PPP2R5C: variants seen among roughly 807,000 people sequenced by gnomAD.
PPP2R5C encodes the protein protein phosphatase 2 regulatory subunit B'gamma.
A neutral mutation model predicts 68.9 loss-of-function variants in PPP2R5C; 7 were observed. That is an observed-to-expected ratio of 0.10 (90% CI 0.06 to 0.19). The LOEUF (loss-of-function observed/expected upper bound fraction) is 0.19, where lower values mean the gene tolerates loss of function less well. Among genes scored for constraint, PPP2R5C ranks in the 10% least tolerant of loss-of-function variants. The pLI is 1.00. For missense variants in PPP2R5C, 348 were observed against 641.3 expected, an observed-to-expected ratio of 0.54 and a Z score of 4.94; for synonymous variants, 210 against 222.2, an observed-to-expected ratio of 0.95 and a Z score of 0.49.
intron 1 of PPP2R5C, chr14:101,821,167 A>T (rs1227868859): frequency 6.6e-6 from 1 of 152,134 alleles, no homozygotes; most frequent in East Asian, 1.9e-4. Context: ...GGACCATGAG[A>T]GCTGAGAGCA....
intron 1 of PPP2R5C, chr14:101,824,290 AG>A (rs1342575389): frequency 2.3e-6 from 2 of 884,266 alleles, no homozygotes; most frequent in Admixed American, 7.5e-5. Flanking sequence ...GGGGTAGGAG[AG>A]AGAGGTATTC....
At chr14:101,848,678 C>T (rs1764358370) in intron 1 of PPP2R5C, among the ~76,000 whole-genome samples, 1 of 152,166 alleles carries the variant, frequency 6.6e-6, no homozygotes, top group Admixed American at 6.5e-5. Context: ...GGCTGACAAT[C>T]GTGCAGCCGA....
At chr14:101,784,846 A>G (rs978227797) in intron 2 of PPP2R5C, among the ~76,000 whole-genome samples, 6 of 152,212 alleles carry the variant, frequency 3.9e-5, no homozygotes, top group Non-Finnish European at 8.8e-5. Flanking sequence ...TAGTGGTCGC[A>G]GCAAACAGCT....
At chr14:101,892,973 C>A in intron 6 of PPP2R5C, 27 bp from the exon 9 acceptor site, 1 of 1,478,078 alleles carries the variant, frequency 6.8e-7, no homozygotes, top group Non-Finnish European at 9.4e-7. Context: ...CGTAAATGTT[C>A]AAACCTAATA....
chr14:101,769,908 G>A (rs2037060599), intron 2 of PPP2R5C, among the ~76,000 whole-genome samples: 1 of 152,170 alleles, frequency 6.6e-6, no homozygotes, highest in African/African-American at 2.4e-5. Flanking sequence ...TAAACATGAT[G>A]GCATGTGCTT....
At chr14:101,846,608 T>G (rs1249889443) in intron 1 of PPP2R5C, among the ~76,000 whole-genome samples, 4 of 152,196 alleles carry the variant, frequency 2.6e-5, no homozygotes, top group Non-Finnish European at 4.4e-5. Context: ...TTCATTGTTA[T>G]GTTTATTGAG....
chr14:101,763,445 C>T (rs145957590), intron 2 of PPP2R5C, among the ~76,000 whole-genome samples: 38 of 151,810 alleles, frequency 2.5e-4, no homozygotes, highest in East Asian at 7.8e-4. Flanking sequence ...TGCAGTGGCG[C>T]GATCTTGGCT....
intron 3 of PPP2R5C, among the ~76,000 whole-genome samples, chr14:101,799,991 G>A (rs910190367): frequency 6.6e-6 from 1 of 152,176 alleles, no homozygotes; most frequent in Non-Finnish European, 1.5e-5. Context: ...AGGTGCAGTG[G>A]CTCACGCCTA....
intron 2 of PPP2R5C, among the ~76,000 whole-genome samples, chr14:101,775,969 C>T (rs913521442): frequency 1.3e-5 from 2 of 152,072 alleles, no homozygotes; most frequent in Non-Finnish European, 2.9e-5. Flanking sequence ...TCTTTATTCC[C>T]GTAGCTTCCA....
intron 1 of PPP2R5C, 75 bp downstream of exon 1, chr14:101,761,995 C>T: frequency 8.7e-7 from 1 of 1,155,620 alleles, no homozygotes; most frequent in Non-Finnish European, 1.1e-6. Context: ...GCACCGGGGT[C>T]CTGCGCCCGG....
exon 14 of PPP2R5C, chr14:101,925,157 A>C (rs768415666): frequency 6.2e-7 from 1 of 1,614,094 alleles, no homozygotes; most frequent in South Asian, 1.1e-5. Flanking sequence ...AAAGATCCGA[A>C]GAAGGACCGT....
At chr14:101,884,737 C>G (rs890943186) in intron 5 of PPP2R5C, among the ~76,000 whole-genome samples, 1 of 152,236 alleles carries the variant, frequency 6.6e-6, no homozygotes, top group Non-Finnish European at 1.5e-5. Context: ...CTTTTTTACA[C>G]CAGCCCTTCC....
intron 3 of PPP2R5C, among the ~76,000 whole-genome samples, chr14:101,790,483 CCG>C (rs2038307000): frequency 6.6e-6 from 1 of 152,236 alleles, no homozygotes; most frequent in Non-Finnish European, 1.5e-5. Context: ...TTACTTTCTT[CCG>C]GACACTTCAT....
At chr14:101,903,562 C>A (rs992861427) in intron 9 of PPP2R5C, among the ~76,000 whole-genome samples, 2 of 152,258 alleles carry the variant, frequency 1.3e-5, no homozygotes, top group Non-Finnish European at 1.5e-5. Context: ...GTCTGTGTCC[C>A]CCACGCACGC....
chr14:101,900,450 C>T (rs956993477), intron 8 of PPP2R5C, among the ~76,000 whole-genome samples: 9 of 152,336 alleles, frequency 5.9e-5, no homozygotes, highest in South Asian at 2.1e-4. Flanking sequence ...TTGCACAGCA[C>T]AAGAGTCGGG....
At chr14:101,869,653 G>A (rs12891885) in intron 2 of PPP2R5C, among the ~76,000 whole-genome samples, 11 of 151,848 alleles carry the variant, frequency 7.2e-5, no homozygotes, top group Admixed American at 7.2e-4. Flanking sequence ...ATTATGCCAG[G>A]CTTGTTTGTT....
At chr14:101,900,201 T>C (rs1255971759) in intron 8 of PPP2R5C, among the ~76,000 whole-genome samples, 1 of 152,186 alleles carries the variant, frequency 6.6e-6, no homozygotes, top group South Asian at 2.1e-4. Flanking sequence ...TTTCCTTTGT[T>C]TCATGAATTT....
intron 1 of PPP2R5C, among the ~76,000 whole-genome samples, chr14:101,846,858 G>A (rs143791566): frequency 5.4e-4 from 82 of 152,232 alleles, no homozygotes; most frequent in African/African-American, 1.9e-3. Context: ...AAGTTGGATC[G>A]CTCATCTGCT....
At chr14:101,894,641 T>C in intron 8 of PPP2R5C, 81 bp downstream of exon 10, 1 of 1,359,494 alleles carries the variant, frequency 7.4e-7, no homozygotes, top group Non-Finnish European at 1.0e-6. Flanking sequence ...TTCACCAAAT[T>C]GCCATTCATT....
Sources: gnomAD v4.1 joint callset for allele counts (sites outside exome capture counted in the v4.1 genomes callset) on GRCh38, gnomAD v4.1.1 for gene constraint, MANE v1.5 for transcripts, NCBI Gene and HGNC (gene_info 2026-07-23, HGNC 2026-07-21) for gene names.